The following ORC5 variants were observed in gnomAD, a reference collection of about 807,000 sequenced individuals.
The protein encoded by ORC5 is protein phosphatase 1, regulatory subunit 117.
ORC5 carries 39 observed loss-of-function variants against 58.8 expected under a neutral mutation model. That is an observed-to-expected ratio of 0.66 (90% confidence interval 0.51 to 0.87). The LOEUF is 0.87. Ranked by LOEUF, ORC5 falls within the 40% of genes least tolerant of loss-of-function variation. The probability of loss-of-function intolerance (pLI) is 0.00; values close to 1 mark genes in which losing one functional copy is unlikely to be tolerated. For synonymous variants in ORC5, 218 were observed against 177.6 expected, an observed-to-expected ratio of 1.23 and a Z score of -1.81; for missense variants, 493 against 506.3, an observed-to-expected ratio of 0.97 and a Z score of 0.25.
At chr7:104,203,507 T>C (rs1024643312) in intron 2 of ORC5, among the ~76,000 whole-genome samples, 1 of 152,218 alleles carries the variant, frequency 6.6e-6, no homozygotes, top group African/African-American at 2.4e-5. Flanking sequence ...ATTGAGTGCT[T>C]ACTACGCACT....
chr7:104,191,335 T>C (rs992893158), intron 5 of ORC5, among the ~76,000 whole-genome samples: 11 of 151,864 alleles, frequency 7.2e-5, no homozygotes, highest in Admixed American at 5.3e-4. Flanking sequence ...AAAAGAGAGA[T>C]GGAAGGAAGA....
intron 11 of ORC5, among the ~76,000 whole-genome samples, chr7:104,162,235 C>T (rs972337776): frequency 3.9e-5 from 6 of 152,138 alleles, no homozygotes; most frequent in Admixed American, 6.5e-5. Flanking sequence ...TACAGTGACA[C>T]GATCTTGGCT....
rs117764653 is a variant in ORC5 at position 104,164,232 on chromosome 7, A to T, written c.1038+1003T>A. 2.2e-3 allele frequency among the ~76,000 whole-genome samples: 337 copies of T among 152,188 alleles called. 1 individual carries two copies. Among genetic ancestry groups the T allele is most frequent in the Non-Finnish European group, 3.4e-3 (231 of 67,996 alleles). ...ACCAGCCTCGAACTCCTGGGCTTAG[A>T]TGAGTCCCTGGTGAAACCCTGTCTC... On this transcript the variant is annotated intron_variant, in intron 11 of 13. Transcript: ENST00000297431.
At chr7:104,140,916 G>A (rs2115769185) in intron 12 of ORC5, among the ~76,000 whole-genome samples, 1 of 152,228 alleles carries the variant, frequency 6.6e-6, no homozygotes, top group East Asian at 1.9e-4. Context: ...GCTGACCTCT[G>A]CATTAGAAGA....
At chr7:104,163,468 T>C (rs1231688884) in intron 11 of ORC5, among the ~76,000 whole-genome samples, 2 of 152,042 alleles carry the variant, frequency 1.3e-5, no homozygotes, top group East Asian at 1.9e-4. Context: ...AAAGCCACCA[T>C]GGTTTGGGGG....
At chr7:104,151,326 G>T (rs757074548) in intron 12 of ORC5, among the ~76,000 whole-genome samples, 2 of 152,186 alleles carry the variant, frequency 1.3e-5, no homozygotes, top group Non-Finnish European at 1.5e-5. Flanking sequence ...GAAAGCTGGT[G>T]CAACTGCCTA....
Position 104,200,758 on chromosome 7 carries a change from A to G in ORC5, c.366T>C (p.Ile122=), listed in dbSNP as rs756625262. The change falls in exon 3 of 14, where the codon ATT becomes ATC. Residue 122 remains isoleucine (I), a splice_region_variant and synonymous_variant. Transcript: ENST00000297431. ...AENLKDQTVY[I]VLDKAEYLRD... is the part of the protein sequence containing the mutation. The stretch of plus-strand genomic sequence containing the variant: ...GATCTAATCAAATGAAATTACTTAC[A>G]ATATATACAGTCTGATCTTTAAGAT... The G allele has an allele frequency of 6.5e-7, 1 of 1,539,730 alleles. No homozygotes were observed. Among genetic ancestry groups the G allele is most frequent in the Non-Finnish European group, 9.0e-7 (1 of 1,114,522 alleles).
intron 11 of ORC5, among the ~76,000 whole-genome samples, chr7:104,164,353 G>C (rs1218418840): frequency 6.6e-6 from 1 of 152,204 alleles, no homozygotes; most frequent in Non-Finnish European, 1.5e-5. Flanking sequence ...AAGCCCAGGA[G>C]GTTGAGGCTG....
In ORC5 at chr7:104,161,131, C is replaced by T; in HGVS notation, c.1090G>A (p.Ala364Thr). The T allele has an allele frequency of 6.2e-7, 1 of 1,611,316 alleles. No homozygotes were observed. Among genetic ancestry groups the T allele is most frequent in the Non-Finnish European group, 8.5e-7 (1 of 1,177,838 alleles). The part of the protein sequence containing the change: ...PKPFPLDRLL[A>T]ILYSIVDSRV... ...CTGTCCACGATACTATATAATATTGCTAATAATCTGTCTAGTGGAAATGGT... is the reference window on the plus strand; with the variant it reads ...CTGTCCACGATACTATATAATATTGTTAATAATCTGTCTAGTGGAAATGGT... The change falls in exon 12 of 14, where the codon GCA becomes ACA. Residue 364 changes from alanine (A) to threonine (T), a missense_variant. By Grantham distance (58) the Ala-to-Thr change is moderately conservative (BLOSUM62 0). Transcript: ENST00000297431.
At chr7:104,171,319 T>A (rs1325119113) in intron 8 of ORC5, among the ~76,000 whole-genome samples, 1 of 152,236 alleles carries the variant, frequency 6.6e-6, no homozygotes, top group African/African-American at 2.4e-5. Context: ...TTGTCTTTTA[T>A]TCATTTTGAA....
chr7:104,207,525 G>C (rs1386633224), intron 1 of ORC5, among the ~76,000 whole-genome samples: 2 of 152,188 alleles, frequency 1.3e-5, no homozygotes, highest in Non-Finnish European at 2.9e-5. Context: ...AAATGTCATT[G>C]GGTTGGGGTA....
At chr7:104,176,992 T>C (rs1799335626) in intron 8 of ORC5, among the ~76,000 whole-genome samples, 1 of 152,192 alleles carries the variant, frequency 6.6e-6, no homozygotes, top group Non-Finnish European at 1.5e-5. Context: ...ATATTGTTGG[T>C]TTAATAAAAA....
chr7:104,200,841 T>C lies in ORC5; in HGVS notation c.283A>G (p.Thr95Ala). ...SSEDGCSTEI[T>A]CETFNDFVRL... ...ACAAAGTCATTAAATGTTTCACAGG[T>C]TATTTCAGTAGAACATCCATCCTCT... The change falls in exon 3 of 14, where the codon ACC (threonine) becomes GCC (alanine). Residue 95 changes from threonine (T) to alanine (A), a missense_variant. This residue lies in a region of ORC5 where 412 missense variants were observed against 403.7 expected (regional missense o/e 1.02). Transcript: ENST00000297431. 6.2e-7 allele frequency: 1 copy of C among 1,612,808 alleles called. No individual in the cohort carries two copies.
chr7:104,140,344 T>G (rs1162114741), intron 12 of ORC5, among the ~76,000 whole-genome samples: 1 of 152,158 alleles, frequency 6.6e-6, no homozygotes, highest in Non-Finnish European at 1.5e-5. Context: ...TTTTTCTCAT[T>G]CCTTTCTTAC....
At chr7:104,189,019 C>A (rs1325023968) in intron 5 of ORC5, among the ~76,000 whole-genome samples, 2 of 152,048 alleles carry the variant, frequency 1.3e-5, no homozygotes, top group East Asian at 1.9e-4. Context: ...TAAACCTTTT[C>A]TTTATAAATT....
At chr7:104,173,838 A>ATT (rs746698932) in intron 8 of ORC5, among the ~76,000 whole-genome samples, 2,507 of 122,292 alleles carry the variant, frequency 0.021, 84 homozygotes, top group Non-Finnish European at 0.033. Flanking sequence ...TGGGTTTAAA[A>ATT]TTTTTTCTTT....
chr7:104,143,221 AT>A (rs1798703835), intron 12 of ORC5, among the ~76,000 whole-genome samples: 1 of 152,088 alleles, frequency 6.6e-6, no homozygotes, highest in Admixed American at 6.6e-5. Flanking sequence ...TCCTTATAAT[AT>A]TTCTCATAAC....
intron 11 of ORC5, among the ~76,000 whole-genome samples, chr7:104,162,442 G>A (rs1007252680): frequency 1.5e-4 from 23 of 152,192 alleles, no homozygotes; most frequent in African/African-American, 5.1e-4. Flanking sequence ...AATTACAGGC[G>A]TGAGCCAGTG....
chr7:104,140,671 C>A (rs185430057), intron 12 of ORC5, among the ~76,000 whole-genome samples: 24 of 152,274 alleles, frequency 1.6e-4, no homozygotes, highest in Non-Finnish European at 3.1e-4. Flanking sequence ...GGCCACCCTG[C>A]CTGTTCTGCC....
Sources: gnomAD v4.1 joint callset for allele counts (sites outside exome capture counted in the v4.1 genomes callset) on GRCh38, gnomAD v4.1.1 for gene constraint, gnomAD v4.1.1 regional missense constraint, MANE v1.5 for transcripts, NCBI Gene and HGNC (gene_info 2026-07-23, HGNC 2026-07-21) for gene names.